Variants in MYOM2 observed in about 807,000 individuals in gnomAD.
MYOM2 encodes myomesin-2.
A neutral mutation model predicts 187.6 loss-of-function variants in MYOM2; 254 were observed. The ratio of observed to expected loss-of-function variants is 1.35; its 90% confidence interval spans 1.22 to 1.50. MYOM2 has a LOEUF of 1.50. Ranked by LOEUF, MYOM2 falls within the 40% of genes most tolerant of loss-of-function variation. MYOM2 has a pLI of 0.00. For missense variants in MYOM2, 2,796 were observed against 1,924.0 expected, an observed-to-expected ratio of 1.45 and a Z score of -8.48; for synonymous variants, 981 against 753.8, an observed-to-expected ratio of 1.30 and a Z score of -4.94.
intron 8 of MYOM2, among the ~76,000 whole-genome samples, chr8:2,071,734 A>T (rs7008136): frequency 0.028 from 4,280 of 152,268 alleles, 219 homozygotes; most frequent in African/African-American, 0.099. Flanking sequence ...GCAGTTTACG[A>T]ACAGCAAACA....
rs1323757786 is a variant in MYOM2 at position 2,057,672 on chromosome 8, G to T, written c.452G>T (p.Ser151Ile). ...WERHTFEERISRAPEILVRLR... is the reference protein window; with the variant it reads ...WERHTFEERIIRAPEILVRLR... ...AGACACACATTTGAAGAGCGGATAA[G>T]CAGGGCTCCTGAGATCCTGGTGCGG... Residue 151 changes from serine (S) to isoleucine (I), a missense_variant, in exon 5 of 37, where the codon AGC becomes ATC. Physicochemically the swap from Ser to Ile is moderately radical, Grantham distance 142. Coordinates refer to ENST00000262113, the MANE Select transcript of MYOM2 (RefSeq NM_003970.4). The T allele has an allele frequency of 6.2e-7, 1 of 1,614,156 alleles. No homozygotes were observed. Among genetic ancestry groups the T allele is most frequent in the Non-Finnish European group, 8.5e-7 (1 of 1,180,036 alleles).
At position 2,143,296 on chromosome 8, in the gene MYOM2, ACTC is replaced by A. The variant is rs1798342443; in HGVS notation, c.4025-101_4025-99del. ...GATGCTCGCTCTCTCCTGAGCATAA[ACTC>A]CTCACCACATTCACCTTGGTACCCA... On this transcript the variant is annotated intron_variant, in intron 35 of 36. Coordinates refer to ENST00000262113, the MANE Select transcript of MYOM2 (RefSeq NM_003970.4). The A allele has an allele frequency of 2.7e-5, 35 of 1,281,562 alleles. No individual in the cohort carries two copies. In the South Asian group the frequency reaches 3.7e-4, roughly 14 times the overall value. 79.4% of individuals were successfully genotyped at this position (1,281,562 alleles called of 1,614,324 possible). A position where few individuals can be genotyped will look rare whatever the true frequency, so the allele number is the denominator to read the frequency against.
chr8:2,144,589 G>C, intron 36 of MYOM2, 75 bp from the exon 37 acceptor site: 1 of 1,441,014 alleles, frequency 6.9e-7, no homozygotes, highest in Non-Finnish European at 9.6e-7. Flanking sequence ...GTGACCTGGA[G>C]CCCACCGTCC....
intron 31 of MYOM2, among the ~76,000 whole-genome samples, chr8:2,127,267 G>A (rs1272083464): frequency 2.0e-5 from 3 of 152,118 alleles, no homozygotes; most frequent in African/African-American, 7.2e-5. Context: ...AGTCCCACCT[G>A]ACTGGGGAGG....
intron 6 of MYOM2, among the ~76,000 whole-genome samples, chr8:2,068,698 G>T (rs950781160): frequency 6.6e-6 from 1 of 152,232 alleles, no homozygotes; most frequent in South Asian, 2.1e-4. Flanking sequence ...CTTAGAACTC[G>T]CATGGGATGG....
chr8:2,098,904 CG>C lies in MYOM2; in HGVS notation c.2362del (p.Val788SerfsTer32), dbSNP rs770433482. On this transcript the variant is annotated frameshift_variant, in exon 19 of 37. Transcript: ENST00000262113. LOFTEE classifies it high-confidence loss of function. The stretch of plus-strand genomic sequence containing the variant: ...CACTCTACGAGTTCAAAATCGCCGC[CG>C]TCAACCTGGCCGGCATCGGGGAGCC... ...GSLYEFKIAA[V>X]NLAGIGEPSD... The C allele has an allele frequency of 1.2e-5, 19 of 1,613,252 alleles. No individual in the cohort carries two copies. The Admixed American group carries it at 3.2e-4, about 27-fold the overall frequency.
intron 14 of MYOM2, 110 bp downstream of exon 14, chr8:2,085,500 T>TGATCTCCGCATGGCCCCTCACTGTC: frequency 1.6e-6 from 1 of 631,608 alleles, no homozygotes; most frequent in Non-Finnish European, 2.1e-6. Context: ...CCCTCACTGT[T>TGATCTCCGCATGGCCCCTCACTGTC]GTGATCTCCG....
intron 25 of MYOM2, among the ~76,000 whole-genome samples, chr8:2,110,738 C>T (rs1000268515): frequency 6.6e-6 from 1 of 152,188 alleles, no homozygotes; most frequent in African/African-American, 2.4e-5. Flanking sequence ...TCCCGGGCAG[C>T]CCCCCTACCA....
Position 2,098,752 on chromosome 8 carries a change from T to C in MYOM2, c.2314-105T>C, listed in dbSNP as rs548895854. On this transcript the variant is annotated intron_variant, in intron 18 of 36. Transcript: ENST00000262113. Reference sequence around the variant, plus strand: ...GGTCCAATTTCCCGACAAGGTTCCTTCCTCTCATATTTTATTTCACAAGCC... The same window carrying C: ...GGTCCAATTTCCCGACAAGGTTCCTCCCTCTCATATTTTATTTCACAAGCC... The C allele has an allele frequency of 1.4e-5, 18 of 1,265,986 alleles. No homozygotes were observed. In the South Asian group the frequency reaches 2.9e-4, roughly 20 times the overall value. The allele number at this position is 1,265,986 out of a possible 1,614,324, so 78.4% of individuals were successfully genotyped here. A position where few individuals can be genotyped will look rare whatever the true frequency, so the allele number is the denominator to read the frequency against.
At chr8:2,117,817 A>C in intron 27 of MYOM2, 68 bp from the exon 28 acceptor site, 9 of 983,714 alleles carry the variant, frequency 9.1e-6, no homozygotes, top group Non-Finnish European at 1.4e-5. Context: ...ATATATATAT[A>C]ATAGCTATAT....
At chr8:2,071,561 C>A (rs1819218471) in intron 8 of MYOM2, among the ~76,000 whole-genome samples, 1 of 152,154 alleles carries the variant, frequency 6.6e-6, no homozygotes, top group Non-Finnish European at 1.5e-5. Flanking sequence ...TTGCCAGAAG[C>A]CACAGTCTGG....
At chr8:2,078,689 G>C (rs1819516141) in intron 11 of MYOM2, 45 bp from the exon 12 acceptor site, 1 of 1,579,766 alleles carries the variant, frequency 6.3e-7, no homozygotes, top group South Asian at 1.1e-5. Context: ...TTAGTAGGTT[G>C]CCACATTTGC....
intron 18 of MYOM2, among the ~76,000 whole-genome samples, chr8:2,097,735 TG>T (rs1796542923): frequency 6.6e-6 from 1 of 152,234 alleles, no homozygotes; most frequent in South Asian, 2.1e-4. Flanking sequence ...CAGGTTGGTC[TG>T]GAACTCCTGA....
At chr8:2,096,470 T>C (rs1189103851) in intron 18 of MYOM2, 36 bp downstream of exon 18, 1 of 1,597,622 alleles carries the variant, frequency 6.3e-7, no homozygotes. Context: ...TATTTTTGCC[T>C]GGGTGGTTCT....
intron 14 of MYOM2, among the ~76,000 whole-genome samples, chr8:2,087,077 C>T (rs1336671015): frequency 1.3e-5 from 2 of 152,178 alleles, no homozygotes; most frequent in South Asian, 2.1e-4. Flanking sequence ...TTACCCTGTC[C>T]GGTGACATTA....
At chr8:2,053,028 C>G (rs989864183) in intron 3 of MYOM2, among the ~76,000 whole-genome samples, 1 of 152,158 alleles carries the variant, frequency 6.6e-6, no homozygotes, top group African/African-American at 2.4e-5. Context: ...ACAAAGTGAA[C>G]AGTTAAACGT....
chr8:2,107,502 G>A (rs1384518625), intron 23 of MYOM2, among the ~76,000 whole-genome samples: 1 of 152,150 alleles, frequency 6.6e-6, no homozygotes, highest in Non-Finnish European at 1.5e-5. Context: ...TCCGACCCAG[G>A]ATCGGTGCTG....
chr8:2,100,667 G>C (rs1030741832), intron 19 of MYOM2, among the ~76,000 whole-genome samples: 1 of 151,460 alleles, frequency 6.6e-6, no homozygotes, highest in Non-Finnish European at 1.5e-5. Context: ...ACGTAGGCTG[G>C]GCCCTCCTCC....
At chr8:2,107,652 C>G (rs986751143) in intron 23 of MYOM2, among the ~76,000 whole-genome samples, 2 of 152,262 alleles carry the variant, frequency 1.3e-5, no homozygotes, top group African/African-American at 4.8e-5. Context: ...CACAGGCAGA[C>G]AAATGAGGAG....
Sources: gnomAD v4.1 joint callset for allele counts (sites outside exome capture counted in the v4.1 genomes callset) on GRCh38, gnomAD v4.1.1 for gene constraint, MANE v1.5 for transcripts, NCBI Gene and HGNC (gene_info 2026-07-23, HGNC 2026-07-21) for gene names.